The following FDX1 variants were observed in gnomAD, a reference collection of about 807,000 sequenced individuals.
The protein encoded by FDX1 is ferredoxin 1.
FDX1 carries 9 observed loss-of-function variants against 14.9 expected under a neutral mutation model. The ratio of observed to expected loss-of-function variants is 0.60; its 90% CI spans 0.36 to 1.05. FDX1 has a LOEUF of 1.05. Among genes scored for constraint, FDX1 ranks in the 50% least tolerant of loss-of-function variants. FDX1 has a pLI of 0.01. For synonymous variants in FDX1, 92 were observed against 99.4 expected (o/e 0.93, Z 0.44); for missense variants, 204 against 237.2 (o/e 0.86, Z 0.92).
At chr11:110,446,579 C>T (rs1294212113) in intron 2 of FDX1, among the ~76,000 whole-genome samples, 1 of 152,174 alleles carries the variant, frequency 6.6e-6, no homozygotes, top group Non-Finnish European at 1.5e-5. Flanking sequence ...CTGATGAAAC[C>T]TGTCCTTCCT....
chr11:110,431,890 G>A (rs1946334316), intron 1 of FDX1, among the ~76,000 whole-genome samples: 1 of 152,114 alleles, frequency 6.6e-6, no homozygotes, highest in Admixed American at 6.5e-5. Context: ...GGATTTTCCA[G>A]TTCTTACTGT....
chr11:110,454,470 A>G (rs180991443), intron 2 of FDX1, among the ~76,000 whole-genome samples: 1 of 152,348 alleles, frequency 6.6e-6, no homozygotes, highest in Admixed American at 6.5e-5. Context: ...ACATTATTGT[A>G]TGGCGGTACA....
At chr11:110,452,661 A>C (rs1238525048) in intron 2 of FDX1, among the ~76,000 whole-genome samples, 1 of 152,216 alleles carries the variant, frequency 6.6e-6, no homozygotes, top group African/African-American at 2.4e-5. Context: ...TTCTTGGAGA[A>C]AATGTGAATG....
At chr11:110,441,956 T>C (rs1249686650) in intron 2 of FDX1, among the ~76,000 whole-genome samples, 1 of 152,186 alleles carries the variant, frequency 6.6e-6, no homozygotes, top group Admixed American at 6.5e-5. Context: ...GACTTGGTGC[T>C]CTGTGTCCCA....
At chr11:110,454,254 A>G (rs2134690436) in intron 2 of FDX1, among the ~76,000 whole-genome samples, 1 of 152,356 alleles carries the variant, frequency 6.6e-6, no homozygotes, top group African/African-American at 2.4e-5. Flanking sequence ...AAGAGAATAG[A>G]ATAATACCTT....
chr11:110,436,989 C>A (rs1946374075), intron 2 of FDX1, among the ~76,000 whole-genome samples: 1 of 151,984 alleles, frequency 6.6e-6, no homozygotes, highest in Non-Finnish European at 1.5e-5. Flanking sequence ...ATAATATTTG[C>A]TGAATATCTT....
chr11:110,457,091 C>T (rs766551048), intron 3 of FDX1, 44 bp downstream of exon 3: 2 of 1,569,742 alleles, frequency 1.3e-6, no homozygotes, highest in Middle Eastern at 3.4e-4. Flanking sequence ...AATCTGGGAA[C>T]ATAGATGTTG....
intron 3 of FDX1, among the ~76,000 whole-genome samples, 159 bp downstream of exon 3, chr11:110,457,206 G>C (rs7106572): frequency 0.015 from 2,336 of 152,148 alleles, 70 homozygotes; most frequent in African/African-American, 0.053. Flanking sequence ...ATTTCTCTTT[G>C]TTTTCACTGT....
In FDX1 at chr11:110,429,997, G is replaced by A; in HGVS notation, c.-124G>A. On this transcript the variant is annotated 5_prime_UTR_variant, in exon 1 of 4. Transcript: ENST00000260270. ...CCAGCAGGGTCTCTCCGCCACTCCA[G>A]CCCCGCGCCCCTCGCCGCGGCCCTC... The A allele has an allele frequency of 1.6e-6, 1 of 610,232 alleles. No individual in the cohort carries two copies. Among genetic ancestry groups the A allele is most frequent in the Non-Finnish European group, 2.3e-6 (1 of 433,296 alleles). The allele number at this position is 610,232 out of a possible 1,614,324, so 37.8% of individuals were successfully genotyped here. A position where few individuals can be genotyped will look rare whatever the true frequency, so the allele number is the denominator to read the frequency against.
chr11:110,456,883 A>G (rs767505479), intron 2 of FDX1, 35 bp from the exon 3 acceptor site: 3 of 1,585,366 alleles, frequency 1.9e-6, no homozygotes, highest in Non-Finnish European at 2.6e-6. Flanking sequence ...TCTGATGTAG[A>G]AGGGACTATG....
chr11:110,441,044 A>T (rs550351859), intron 2 of FDX1, among the ~76,000 whole-genome samples: 1 of 152,290 alleles, frequency 6.6e-6, no homozygotes, highest in Non-Finnish European at 1.5e-5. Flanking sequence ...TGACAATTTT[A>T]TAAGAGGGAG....
At chr11:110,437,592 G>T (rs1946378536) in intron 2 of FDX1, among the ~76,000 whole-genome samples, 1 of 152,076 alleles carries the variant, frequency 6.6e-6, no homozygotes, top group Non-Finnish European at 1.5e-5. Flanking sequence ...ATGTTTGTTG[G>T]CCGCTTTTAT....
chr11:110,429,379 GT>G (rs147774842), upstream of FDX1, among the ~76,000 whole-genome samples: 1,137 of 152,166 alleles, frequency 7.5e-3, 12 homozygotes, highest in African/African-American at 0.025. Context: ...CATCTTTTCT[GT>G]TTTTTGTGAA....
At chr11:110,460,275 AC>A (rs1308765669) in intron 3 of FDX1, among the ~76,000 whole-genome samples, 1 of 152,126 alleles carries the variant, frequency 6.6e-6, no homozygotes, top group East Asian at 1.9e-4. Context: ...TTACTCCAAA[AC>A]TTCCTGGTGG....
At chr11:110,454,352 T>A (rs1946508227) in intron 2 of FDX1, among the ~76,000 whole-genome samples, 1 of 152,188 alleles carries the variant, frequency 6.6e-6, no homozygotes, top group Non-Finnish European at 1.5e-5. Flanking sequence ...TGGTAACTCT[T>A]CCTTTCGACT....
rs1025969501 is a variant in FDX1 at position 110,462,644 on chromosome 11, A to G, written c.*176A>G. On this transcript the variant is annotated 3_prime_UTR_variant, in exon 4 of 4. Coordinates refer to ENST00000260270, the MANE Select transcript of FDX1 (RefSeq NM_004109.5). ...TCATTCTTGAAAGTATGCAATTTTT[A>G]TTTTGGTTATATTACAAAAATGTCA... 5.2e-6 allele frequency: 2 copies of G among 386,540 alleles called. No homozygotes were observed. Among genetic ancestry groups the G allele is most frequent in the Non-Finnish European group, 9.2e-6 (2 of 217,880 alleles). The allele number at this position is 386,540 out of a possible 1,614,324, so 23.9% of individuals were successfully genotyped here.
intron 2 of FDX1, among the ~76,000 whole-genome samples, chr11:110,437,272 G>A (rs1197856511): frequency 6.6e-6 from 1 of 152,174 alleles, no homozygotes; most frequent in Admixed American, 6.5e-5. Context: ...GGCATTACAG[G>A]CGTGAGCCAC....
chr11:110,430,774 C>T (rs997116941), intron 1 of FDX1, among the ~76,000 whole-genome samples: 1 of 152,186 alleles, frequency 6.6e-6, no homozygotes, highest in African/African-American at 2.4e-5. Context: ...GAGAGGACAC[C>T]CAGGTCCCAG....
chr11:110,435,544 G>A lies in FDX1; in HGVS notation c.186-290G>A, dbSNP rs568402619. Among the ~76,000 whole-genome samples, 8 of 152,250 alleles carry A rather than the reference G, an allele frequency of 5.3e-5. No individual in the cohort carries two copies. In the East Asian group the frequency reaches 1.2e-3, roughly 22 times the overall value. On this transcript the variant is annotated intron_variant, in intron 1 of 3. Coordinates refer to ENST00000260270, the MANE Select transcript of FDX1 (RefSeq NM_004109.5). ...TGCCTTTGATTTCCAAATAAGCTTT[G>A]GAAAGAAAAGAAAATACCTTCGGCT...
Sources: allele counts gnomAD v4.1 joint callset (sites outside exome capture counted in the v4.1 genomes callset), GRCh38; gene constraint gnomAD v4.1.1; transcripts MANE v1.5; gene names NCBI Gene and HGNC (gene_info 2026-07-23, HGNC 2026-07-21).